The following HACD2 variants were observed in gnomAD, a reference collection of about 807,000 sequenced individuals.
HACD2 encodes the protein 3-hydroxyacyl-CoA dehydratase 2, also known as very-long-chain (3R)-3-hydroxyacyl-CoA dehydratase 2.
Under a neutral mutation model 31.0 loss-of-function variants are expected in HACD2, and 15 were observed. The ratio of observed to expected loss-of-function variants is 0.48; its 90% CI spans 0.32 to 0.75. The LOEUF (loss-of-function observed/expected upper bound fraction) is 0.75, where lower values mean the gene tolerates loss of function less well. HACD2 is among the 30% of genes least tolerant of loss of function. The pLI is 0.03. For synonymous variants in HACD2, 115 were observed against 122.2 expected, an observed-to-expected ratio of 0.94 and a Z score of 0.39; for missense variants, 283 against 313.0, an observed-to-expected ratio of 0.90 and a Z score of 0.72.
At chr3:123,571,280 C>T (rs1371911984) in intron 2 of HACD2, among the ~76,000 whole-genome samples, 1 of 152,186 alleles carries the variant, frequency 6.6e-6, no homozygotes, top group African/African-American at 2.4e-5. Context: ...ATTACTGTTC[C>T]TTGGCTATTC....
chr3:123,527,120 T>C (rs1485735718), intron 4 of HACD2, among the ~76,000 whole-genome samples: 1 of 152,230 alleles, frequency 6.6e-6, no homozygotes, highest in Non-Finnish European at 1.5e-5. Flanking sequence ...TATTTAAGAA[T>C]GTAAATGAGT....
chr3:123,563,603 T>C (rs1042531115), intron 3 of HACD2, among the ~76,000 whole-genome samples: 2 of 151,634 alleles, frequency 1.3e-5, no homozygotes, highest in Non-Finnish European at 2.9e-5. Flanking sequence ...TGGCAAGACA[T>C]GATACATTTC....
At chr3:123,584,662 G>C (rs896613900) in intron 1 of HACD2, 1 of 376,928 alleles carries the variant, frequency 2.7e-6, no homozygotes, top group Non-Finnish European at 4.7e-6. Context: ...AACTTGGCTC[G>C]ACCCCCAGCG....
chr3:123,531,765 G>C (rs2056364404), intron 3 of HACD2, among the ~76,000 whole-genome samples: 1 of 152,054 alleles, frequency 6.6e-6, no homozygotes, highest in South Asian at 2.1e-4. Context: ...AACATTTTAA[G>C]AATTTTCCTT....
At chr3:123,551,354 C>G (rs1223432868) in intron 3 of HACD2, among the ~76,000 whole-genome samples, 1 of 152,112 alleles carries the variant, frequency 6.6e-6, no homozygotes, top group Non-Finnish European at 1.5e-5. Flanking sequence ...CACGGTGGCT[C>G]ACACTTGTAA....
At chr3:123,498,738 G>C (rs1024627331) in intron 6 of HACD2, among the ~76,000 whole-genome samples, 5 of 152,200 alleles carry the variant, frequency 3.3e-5, no homozygotes, top group African/African-American at 1.2e-4. Context: ...AAAGACAGCT[G>C]GCTCTGGGGT....
intron 3 of HACD2, among the ~76,000 whole-genome samples, chr3:123,533,514 T>C (rs2107712092): frequency 6.6e-6 from 1 of 152,324 alleles, no homozygotes; most frequent in Middle Eastern, 3.4e-3. Flanking sequence ...CATTACTTCT[T>C]ATTTGAACAC....
chr3:123,530,847 C>G (rs1385669500), intron 3 of HACD2, among the ~76,000 whole-genome samples: 1 of 152,094 alleles, frequency 6.6e-6, no homozygotes, highest in African/African-American at 2.4e-5. Flanking sequence ...CCCCCATGCC[C>G]AGCTAAAGTA....
chr3:123,574,370 T>C (rs1231951093), intron 2 of HACD2, among the ~76,000 whole-genome samples: 1 of 152,226 alleles, frequency 6.6e-6, no homozygotes, highest in Non-Finnish European at 1.5e-5. Context: ...AAACAACAGA[T>C]TGTTAGACTT....
Position 123,531,015 on chromosome 3 carries a change from G to A in HACD2, c.293-2541C>T, listed in dbSNP as rs2056354324. Among the ~76,000 whole-genome samples the A allele has an allele frequency of 5.3e-5, 8 of 151,908 alleles. No homozygotes were observed. The South Asian group carries it at 1.5e-3, about 28-fold the overall frequency. The stretch of plus-strand genomic sequence containing the variant: ...CCCGAGTGGCTGGGATTATAGGCAC[G>A]CGCTACCATGCCCAGTTCATTTTTG... On this transcript the variant is annotated intron_variant, in intron 3 of 6. Coordinates refer to ENST00000383657, the MANE Select transcript of HACD2 (RefSeq NM_198402.5).
intron 4 of HACD2, among the ~76,000 whole-genome samples, chr3:123,515,714 A>G (rs1481986261): frequency 6.6e-6 from 1 of 152,122 alleles, no homozygotes; most frequent in Non-Finnish European, 1.5e-5. Flanking sequence ...AGATACACAC[A>G]TGGTGGTTTA....
At chr3:123,509,876 T>A (rs2056034603) in intron 4 of HACD2, among the ~76,000 whole-genome samples, 1 of 151,686 alleles carries the variant, frequency 6.6e-6, no homozygotes, top group African/African-American at 2.4e-5. Context: ...GAGAAGGGAG[T>A]CAATGTCTAT....
At chr3:123,570,463 G>T (rs1050684166) in intron 2 of HACD2, among the ~76,000 whole-genome samples, 3 of 151,740 alleles carry the variant, frequency 2.0e-5, no homozygotes, top group Non-Finnish European at 4.4e-5. Context: ...CCTAATACTT[G>T]GAAAAAAGAG....
At chr3:123,496,980 T>G (rs1446460957) in intron 6 of HACD2, among the ~76,000 whole-genome samples, 8 of 152,062 alleles carry the variant, frequency 5.3e-5, no homozygotes, top group Non-Finnish European at 1.0e-4. Flanking sequence ...ATCAGAAGGG[T>G]CAGATGATGG....
At chr3:123,567,678 C>G (rs758361198) in intron 3 of HACD2, 84 bp downstream of exon 3, 206 of 874,650 alleles carry the variant, frequency 2.4e-4, no homozygotes, top group Non-Finnish European at 3.0e-4. Flanking sequence ...CAATATTTAA[C>G]AGAAATCAAT....
intron 2 of HACD2, among the ~76,000 whole-genome samples, chr3:123,581,681 G>C (rs989348610): frequency 6.6e-6 from 1 of 152,172 alleles, no homozygotes; most frequent in Admixed American, 6.5e-5. Context: ...AAAATAGTTT[G>C]AATTGGGTTT....
chr3:123,575,623 A>C (rs927694695), intron 2 of HACD2, among the ~76,000 whole-genome samples: 20 of 152,218 alleles, frequency 1.3e-4, no homozygotes, highest in African/African-American at 4.3e-4. Flanking sequence ...AAAGTTAAAT[A>C]ATCTTTGGTA....
At chr3:123,528,810 C>T (rs2056316664) in intron 3 of HACD2, among the ~76,000 whole-genome samples, 1 of 152,114 alleles carries the variant, frequency 6.6e-6, no homozygotes, top group Non-Finnish European at 1.5e-5. Context: ...TAAAATAAGA[C>T]TCATTTTACA....
intron 3 of HACD2, among the ~76,000 whole-genome samples, chr3:123,565,431 C>T (rs774208468): frequency 9.2e-5 from 14 of 151,992 alleles, no homozygotes; most frequent in Non-Finnish European, 1.9e-4. Flanking sequence ...GGTTAGTGCC[C>T]TTATAAAAGG....
Sources: gnomAD v4.1 joint callset for allele counts (sites outside exome capture counted in the v4.1 genomes callset) on GRCh38, gnomAD v4.1.1 for gene constraint, MANE v1.5 for transcripts, NCBI Gene and HGNC (gene_info 2026-07-23, HGNC 2026-07-21) for gene names.